Variants in TIAM2 observed in about 807,000 individuals in gnomAD.
TIAM2 encodes the protein rho guanine nucleotide exchange factor TIAM2.
In TIAM2, 80 loss-of-function variants were observed where a neutral mutation model predicts 152.9. The observed-to-expected ratio is 0.52, with a 90% CI of 0.44 to 0.63. TIAM2 has a LOEUF of 0.63. Among genes scored for constraint, TIAM2 ranks in the 30% least tolerant of loss-of-function variants. TIAM2 has a pLI of 0.00. For missense variants in TIAM2, 1,965 were observed against 2,120.1 expected (o/e 0.93, Z 1.44); for synonymous variants, 804 against 838.0 (o/e 0.96, Z 0.70).
rs765937445 is a variant in TIAM2 at position 155,164,616 on chromosome 6, AG to A, written c.2214+18del. On this transcript the variant is annotated intron_variant, in intron 8 of 26. Coordinates refer to ENST00000682666, the MANE Select transcript of TIAM2 (RefSeq NM_012454.4). Reference sequence around the variant, plus strand: ...CCATGCTCTGGTAAGTTCCTGAGGAAGGCTGTTTCTGCAGCATTCGGGGAGG... The same window carrying A: ...CCATGCTCTGGTAAGTTCCTGAGGAAGCTGTTTCTGCAGCATTCGGGGAGG... 1.3e-6 allele frequency: 2 copies of A among 1,596,850 alleles called. No individual in the cohort carries two copies. The highest frequency in any genetic ancestry group is 1.7e-6 in the Non-Finnish European group (2 of 1,167,700).
At position 155,216,947 on chromosome 6, in the gene TIAM2, G is replaced by C. The variant is rs990697324; in HGVS notation, c.3168+5640G>C. The C allele has an allele frequency of 2.7e-5, 33 of 1,215,782 alleles. No individual in the cohort carries two copies. The African/African-American group carries it at 5.0e-4, about 18-fold the overall frequency. 75.3% of individuals were successfully genotyped at this position (1,215,782 alleles called of 1,614,324 possible). On this transcript the variant is annotated intron_variant, in intron 15 of 26. Transcript: ENST00000682666. ...GTCCTTGTGAATGTGACTTGGAAGAGCAGTTTGGGATTTTTTTCATTGCCT... is the reference window on the plus strand; with the variant it reads ...GTCCTTGTGAATGTGACTTGGAAGACCAGTTTGGGATTTTTTTCATTGCCT...
chr6:155,137,299 G>C lies in TIAM2; in HGVS notation c.1317G>C (p.Leu439=). The C allele has an allele frequency of 1.2e-6, 2 of 1,614,230 alleles. 1 individual carries two copies. The highest frequency in any genetic ancestry group is 1.7e-6 in the Non-Finnish European group (2 of 1,180,044). The change falls in exon 5 of 27, where the codon CTG becomes CTC. Residue 439 remains leucine, a synonymous_variant. Coordinates refer to ENST00000682666, the MANE Select transcript of TIAM2 (RefSeq NM_012454.4). ...GGTCAGGGGGCTCTACTCAGATCCT[G>C]TCTCAGAGAAGTGAATCCACACATG... ...FLWSGGSTQI[L]SQRSESTHAI... is the part of the protein sequence containing the mutation.
chr6:155,115,614 C>G (rs900954933), intron 2 of TIAM2, among the ~76,000 whole-genome samples: 2 of 152,174 alleles, frequency 1.3e-5, no homozygotes, highest in Non-Finnish European at 2.9e-5. Context: ...GATCACACCA[C>G]TGTACTCCAG....
In TIAM2 at chr6:155,129,974, G is replaced by T. The variant is rs151266968; in HGVS notation, c.751G>T (p.Asp251Tyr). Reference sequence around the variant, plus strand: ...CCTGAGTTCTGAGTCATCCTGGTACGACTCCCCTTGGGGCAATGCTGGAGA... The same window carrying T: ...CCTGAGTTCTGAGTCATCCTGGTACTACTCCCCTTGGGGCAATGCTGGAGA... ...SSLSSESSWY[D>Y]SPWGNAGELS... The change falls in exon 4 of 27, where the codon GAC becomes TAC. Residue 251 changes from aspartate (D) to tyrosine (Y), a missense_variant. Around this residue, in one of 3 missense-constraint regions of TIAM2, gnomAD observed 1,025 missense variants for 1,119.4 expected, o/e 0.92. Transcript: ENST00000682666. The surrounding 1 kb of genome is among the most constrained non-coding windows in gnomAD (Gnocchi z 4.8). 4.3e-6 allele frequency: 7 copies of T among 1,613,962 alleles called. No homozygotes were observed. Among genetic ancestry groups the T allele is most frequent in the Non-Finnish European group, 5.9e-6 (7 of 1,180,050 alleles).
At chr6:155,211,438 A>G (rs1781715874) in intron 15 of TIAM2, 131 bp downstream of exon 15, 2 of 633,614 alleles carry the variant, frequency 3.2e-6, no homozygotes, top group Admixed American at 2.9e-5. Context: ...ACATACATAT[A>G]TATGTTAAGG....
At chr6:155,158,587 C>T (rs552831325) in intron 7 of TIAM2, among the ~76,000 whole-genome samples, 1 of 151,514 alleles carries the variant, frequency 6.6e-6, no homozygotes, top group Non-Finnish European at 1.5e-5. Context: ...GGGTCTCACT[C>T]TGTTGCCCAG....
At chr6:155,183,054 C>T (rs1468839926) in intron 13 of TIAM2, among the ~76,000 whole-genome samples, 183 bp from the exon 14 acceptor site, 1 of 152,236 alleles carries the variant, frequency 6.6e-6, no homozygotes, top group Non-Finnish European at 1.5e-5. Flanking sequence ...CTGTCTCTGC[C>T]TCCTGATTAG....
intron 2 of TIAM2, among the ~76,000 whole-genome samples, chr6:155,123,302 A>G (rs114562139): frequency 0.014 from 2,189 of 151,860 alleles, 51 homozygotes; most frequent in African/African-American, 0.051. Context: ...GCTTTTCTCT[A>G]TCTTAATTAT....
At chr6:155,020,462 G>A (rs1452624587) in intron 1 of TIAM2, among the ~76,000 whole-genome samples, 1 of 151,944 alleles carries the variant, frequency 6.6e-6, no homozygotes, top group Non-Finnish European at 1.5e-5. Context: ...TTAGCCTTTT[G>A]TTGTTGTTTT....
At chr6:155,188,361 A>G (rs1381347611) in intron 14 of TIAM2, among the ~76,000 whole-genome samples, 3 of 152,190 alleles carry the variant, frequency 2.0e-5, no homozygotes, top group African/African-American at 7.2e-5. Context: ...AAGAGACAGG[A>G]ATATATGGAG....
chr6:155,247,714 T>C (rs1186710380), intron 19 of TIAM2, among the ~76,000 whole-genome samples: 2 of 152,216 alleles, frequency 1.3e-5, no homozygotes, highest in Non-Finnish European at 2.9e-5. Flanking sequence ...ATGAAATGTG[T>C]CTTTAAAGTC....
chr6:155,046,610 C>T (rs973495933), intron 1 of TIAM2, among the ~76,000 whole-genome samples: 1 of 152,182 alleles, frequency 6.6e-6, no homozygotes, highest in Non-Finnish European at 1.5e-5. Flanking sequence ...GCTGGGATTA[C>T]AGGCATGAGC....
At chr6:155,209,239 C>A (rs2115208674) in intron 14 of TIAM2, among the ~76,000 whole-genome samples, 1 of 152,130 alleles carries the variant, frequency 6.6e-6, no homozygotes, top group African/African-American at 2.4e-5. Flanking sequence ...GAGCATTTCA[C>A]TCCTTTTTGC....
intron 4 of TIAM2, among the ~76,000 whole-genome samples, chr6:155,131,541 A>G (rs1391010528): frequency 6.6e-6 from 1 of 150,788 alleles, no homozygotes; most frequent in South Asian, 2.1e-4. Context: ...TGGTACATCA[A>G]AAAAAAAAGT....
intron 2 of TIAM2, among the ~76,000 whole-genome samples, chr6:155,104,529 G>A (rs1778633902): frequency 1.3e-5 from 2 of 152,222 alleles, no homozygotes; most frequent in South Asian, 4.1e-4. Context: ...AGGCCAAGGT[G>A]GGCAGATCAT....
chr6:155,240,013 G>A (rs985854433), intron 15 of TIAM2, among the ~76,000 whole-genome samples: 2 of 152,236 alleles, frequency 1.3e-5, no homozygotes, highest in African/African-American at 4.8e-5. Flanking sequence ...GGTTAGACTG[G>A]AGGGCAGAAC....
chr6:155,143,846 C>T (rs527621803), intron 5 of TIAM2, among the ~76,000 whole-genome samples: 18 of 152,156 alleles, frequency 1.2e-4, no homozygotes, highest in African/African-American at 4.3e-4. Context: ...GAAAATAAAA[C>T]CTGGGGACCC....
chr6:155,165,448 A>G, intron 9 of TIAM2, 39 bp downstream of exon 9: 2 of 1,578,612 alleles, frequency 1.3e-6, no homozygotes, highest in East Asian at 2.3e-5. Context: ...CTAGAGTGAA[A>G]TTCCTGAAAC....
Position 155,218,919 on chromosome 6 carries a change from G to C in TIAM2, c.3168+7612G>C, listed in dbSNP as rs1781949280. On this transcript the variant is annotated intron_variant, in intron 15 of 26. Transcript: ENST00000682666. This position sits in a 1 kb window ranked among gnomAD's most constrained non-coding sequence, Gnocchi z 4.5. Reference sequence around the variant, plus strand: ...CCCACCCGTGTTCTTGACCATCTCAGCCGTGTTCTTGACCATCTCAGCCGC... The same window carrying C: ...CCCACCCGTGTTCTTGACCATCTCACCCGTGTTCTTGACCATCTCAGCCGC... 7.4e-6 allele frequency among the ~76,000 whole-genome samples: 1 copy of C among 134,750 alleles called. No homozygotes were observed. The highest frequency in any genetic ancestry group is 1.6e-5 in the Non-Finnish European group (1 of 63,420). The allele number at this position is 134,750 out of a possible 152,430, so 88.4% of individuals were successfully genotyped here. A position where few individuals can be genotyped will look rare whatever the true frequency, so the allele number is the denominator to read the frequency against.
Sources: allele counts gnomAD v4.1 joint callset (sites outside exome capture counted in the v4.1 genomes callset), GRCh38; gene constraint gnomAD v4.1.1; regional missense constraint gnomAD v4.1.1; non-coding constraint Gnocchi (gnomAD v3.1); transcripts MANE v1.5; gene names NCBI Gene and HGNC (gene_info 2026-07-23, HGNC 2026-07-21).